CHD1: variants seen among roughly 807,000 people sequenced by gnomAD.
CHD1 encodes chromodomain helicase DNA binding protein 1, also known as ATP-dependent chromatin remodeler CHD1.
Under a neutral mutation model 224.2 loss-of-function variants are expected in CHD1, and 36 were observed. That is an observed-to-expected ratio of 0.16 (90% CI 0.12 to 0.21). The LOEUF (loss-of-function observed/expected upper bound fraction) is 0.21, where lower values mean the gene tolerates loss of function less well. Among genes scored for constraint, CHD1 ranks in the 10% least tolerant of loss-of-function variants. The pLI is 1.00. For missense variants in CHD1, 1,378 were observed against 1,994.8 expected (o/e 0.69, Z 5.89); for synonymous variants, 668 against 658.3 (o/e 1.01, Z -0.23).
At position 98,874,183 on chromosome 5, in the gene CHD1, C is replaced by G. The variant is rs113046527; in HGVS notation, c.3441-460G>C. On this transcript the variant is annotated intron_variant, in intron 25 of 35. Coordinates refer to ENST00000614616, the MANE Select transcript of CHD1 (RefSeq NM_001270.4). ...TTAAGTATGCCATCTCAAAATAAAACAAAATATATCTATTTTTGAAGGGAT... is the reference window on the plus strand; with the variant it reads ...TTAAGTATGCCATCTCAAAATAAAAGAAAATATATCTATTTTTGAAGGGAT... Among the ~76,000 whole-genome samples the G allele has an allele frequency of 4.7e-3, 714 of 151,738 alleles. 8 individuals carry two copies. Among genetic ancestry groups the G allele is most frequent in the African/African-American group, 0.016 (656 of 41,448 alleles).
chr5:98,874,683 G>A (rs1399846975), intron 25 of CHD1, among the ~76,000 whole-genome samples: 1 of 150,416 alleles, frequency 6.6e-6, no homozygotes, highest in African/African-American at 2.5e-5. Context: ...CTGCACTCCA[G>A]CCTGGGAGAC....
chr5:98,907,940 T>C (rs1393753348), intron 2 of CHD1, among the ~76,000 whole-genome samples: 1 of 152,092 alleles, frequency 6.6e-6, no homozygotes, highest in African/African-American at 2.4e-5. Context: ...GAAAAAAAAT[T>C]AGACTTAAAA....
chr5:98,925,178 T>C (rs1753374390), intron 2 of CHD1, among the ~76,000 whole-genome samples: 2 of 152,224 alleles, frequency 1.3e-5, no homozygotes, highest in African/African-American at 4.8e-5. Flanking sequence ...CTGGTTACAA[T>C]AAGCAAATAT....
At chr5:98,917,521 T>G (rs1036603440) in intron 2 of CHD1, among the ~76,000 whole-genome samples, 1 of 152,206 alleles carries the variant, frequency 6.6e-6, no homozygotes, top group Non-Finnish European at 1.5e-5. Flanking sequence ...CACGTAGTAG[T>G]TGCTCAATCA....
At chr5:98,902,519 A>G (rs1429635726) in intron 5 of CHD1, among the ~76,000 whole-genome samples, 1 of 152,096 alleles carries the variant, frequency 6.6e-6, no homozygotes, top group Non-Finnish European at 1.5e-5. Context: ...TAAATTTCAC[A>G]TGCAACTGAA....
At chr5:98,880,966 C>T (rs1750133357) in intron 22 of CHD1, 110 bp downstream of exon 22, 1 of 723,826 alleles carries the variant, frequency 1.4e-6, no homozygotes, top group Non-Finnish European at 2.4e-6. Context: ...TTTTACATAA[C>T]ACAGCAATCT....
chr5:98,861,837 A>ATGAT (rs1748499183), intron 32 of CHD1, among the ~76,000 whole-genome samples: 1 of 151,978 alleles, frequency 6.6e-6, no homozygotes, highest in African/African-American at 2.4e-5. Flanking sequence ...GGGTCAGCCA[A>ATGAT]TGATAGGTCT....
intron 28 of CHD1, among the ~76,000 whole-genome samples, chr5:98,871,369 C>CAAAAAAAAAAAAAAAAAAAAAAAAA (rs61406690): frequency 2.1e-5 from 1 of 46,796 alleles, no homozygotes; most frequent in African/African-American, 1.1e-4. Context: ...CCATTTTAGG[C>CAAAAAAAAAAAAAAAAAAAAAAAAA]AAAAAAAAAA....
At chr5:98,924,309 T>A (rs1403931837) in intron 2 of CHD1, among the ~76,000 whole-genome samples, 1 of 152,180 alleles carries the variant, frequency 6.6e-6, no homozygotes, top group African/African-American at 2.4e-5. Context: ...TCTATTTACT[T>A]AACTATAGTC....
intron 16 of CHD1, among the ~76,000 whole-genome samples, 185 bp downstream of exon 16, chr5:98,888,891 T>C (rs1286238163): frequency 1.3e-5 from 2 of 152,164 alleles, no homozygotes; most frequent in Admixed American, 6.5e-5. Context: ...ATCAAAATAA[T>C]TACATAAATT....
intron 2 of CHD1, among the ~76,000 whole-genome samples, chr5:98,911,819 A>T (rs926071183): frequency 6.6e-6 from 1 of 152,226 alleles, no homozygotes; most frequent in Non-Finnish European, 1.5e-5. Flanking sequence ...CAATGTCATG[A>T]AAGACAAAGA....
chr5:98,879,525 G>A, intron 23 of CHD1, 27 bp downstream of exon 23: 1 of 1,571,418 alleles, frequency 6.4e-7, no homozygotes, highest in South Asian at 1.2e-5. Context: ...TTACTTTATA[G>A]AAATATCTTT....
chr5:98,900,718 C>G, intron 7 of CHD1, 93 bp downstream of exon 7: 2 of 1,122,598 alleles, frequency 1.8e-6, no homozygotes, highest in Non-Finnish European at 2.6e-6. Flanking sequence ...CCCCAAAGTA[C>G]TGGGATTACA....
rs372956814 is a variant in CHD1, at chr5:98,898,731, A to G, written c.1119T>C (p.Tyr373=). 1.9e-6 allele frequency: 3 copies of G among 1,597,818 alleles called. No homozygotes were observed. The African/African-American group carries it at 4.0e-5, about 21-fold the overall frequency. Residue 373 remains tyrosine, a synonymous_variant, in exon 9 of 36, where the codon TAT becomes TAC. Transcript: ENST00000614616. ...LKNASPEDVE[Y]YNCQQELTDD... is the part of the protein sequence containing the mutation. ...CTGTAAGTTCTTGCTGGCAATTATA[A>G]TATTCCACATCTTCTGGAGAGGCAT...
At chr5:98,878,103 T>C (rs1749897107) in intron 23 of CHD1, among the ~76,000 whole-genome samples, 1 of 152,200 alleles carries the variant, frequency 6.6e-6, no homozygotes, top group African/African-American at 2.4e-5. Flanking sequence ...AATGGCTGAG[T>C]GTACGCTATT....
intron 2 of CHD1, among the ~76,000 whole-genome samples, chr5:98,923,804 G>C (rs1753267240): frequency 6.6e-6 from 1 of 152,098 alleles, no homozygotes; most frequent in Non-Finnish European, 1.5e-5. Flanking sequence ...TAAAATATTG[G>C]AACAGGTAAG....
At position 98,903,672 on chromosome 5, in the gene CHD1, T is replaced by G. The variant is rs1751867001; in HGVS notation, c.372+120A>C. On this transcript the variant is annotated intron_variant, in intron 4 of 35. Transcript: ENST00000614616. ...TTTCAAGATTCTTGATATATACACT[T>G]AAAGTATTTCCTACTTATTCTTTCA... The G allele has an allele frequency of 3.7e-6, 3 of 800,114 alleles. No homozygotes were observed. The South Asian group carries it at 4.2e-5, about 11-fold the overall frequency. 49.6% of individuals were successfully genotyped at this position (800,114 alleles called of 1,614,324 possible).
chr5:98,868,629 C>A lies in CHD1; in HGVS notation c.4114G>T (p.Glu1372Ter). The change falls in exon 31 of 36, where the codon GAA becomes TAA. Residue 1372 changes from glutamate to a stop codon, truncating the protein, a stop_gained. Coordinates refer to ENST00000614616, the MANE Select transcript of CHD1 (RefSeq NM_001270.4). LOFTEE classifies it high-confidence loss of function. ...KSDEDDDKLS[E>*]SKSDGRERSK... is the part of the protein sequence containing the mutation. ...CTTTCCCTACCATCAGACTTGGATT[C>A]ACTCAACTAAAGAAAAAGTGAAAAG... The A allele has an allele frequency of 6.4e-7, 1 of 1,569,442 alleles. No individual in the cohort carries two copies. Among genetic ancestry groups the A allele is most frequent in the Non-Finnish European group, 8.6e-7 (1 of 1,161,118 alleles).
In CHD1 at chr5:98,926,406, G is replaced by C. The variant is rs1753460368; in HGVS notation, c.-20C>G. ...ATTCATTGTAAATTATTATCAAGAA[G>C]TTTTAAAGTAAAATATAAATCTTCC... On this transcript the variant is annotated 5_prime_UTR_variant, in exon 2 of 36. Transcript: ENST00000614616. 3.7e-6 allele frequency: 5 copies of C among 1,349,412 alleles called. No homozygotes were observed. The East Asian group carries it at 1.0e-4, about 28-fold the overall frequency. 83.6% of individuals were successfully genotyped at this position (1,349,412 alleles called of 1,614,324 possible). A position where few individuals can be genotyped will look rare whatever the true frequency, so the allele number is the denominator to read the frequency against.
Sources: gnomAD v4.1 joint callset for allele counts (sites outside exome capture counted in the v4.1 genomes callset) on GRCh38, gnomAD v4.1.1 for gene constraint, MANE v1.5 for transcripts, NCBI Gene and HGNC (gene_info 2026-07-23, HGNC 2026-07-21) for gene names.